PGK1: variants seen among roughly 807,000 people sequenced by gnomAD.
PGK1 encodes the protein phosphoglycerate kinase 1.
Under a neutral mutation model 26.9 loss-of-function variants are expected in PGK1, and 3 were observed. The ratio of observed to expected loss-of-function variants is 0.11; its 90% CI spans 0.05 to 0.29. The LOEUF is 0.29. Ranked by LOEUF, PGK1 falls within the 10% of genes least tolerant of loss-of-function variation. PGK1 has a pLI of 1.00. For synonymous variants in PGK1, 125 were observed against 115.3 expected (o/e 1.08, Z -0.54); for missense variants, 270 against 314.7 (o/e 0.86, Z 1.07).
intron 1 of PGK1, among the ~76,000 whole-genome samples, chrX:78,104,813 C>T (rs781810518): frequency 9.0e-6 from 1 of 111,677 alleles, no homozygotes; most frequent in South Asian, 3.7e-4. Context: ...GCTCCTAGAC[C>T]GTCGCAGCCA....
chrX:78,104,281 C>A lies in PGK1; in HGVS notation c.-60C>A. 6 of 883,579 alleles carry A rather than the reference C, an allele frequency of 6.8e-6. No individual in the cohort carries two copies. The highest frequency in any genetic ancestry group is 1.0e-5 in the Non-Finnish European group (6 of 599,632). The allele number at this position is 883,579 out of a possible 1,213,427, so 72.8% of individuals were successfully genotyped here. On this transcript the variant is annotated 5_prime_UTR_variant, in exon 1 of 11. Coordinates refer to ENST00000373316, the MANE Select transcript of PGK1 (RefSeq NM_000291.4). ...TTCTGCAAGCCTCCGGAGCGCACGT[C>A]GGCAGTCGGCTCCCTCGTTGACCGA...
intron 5 of PGK1, among the ~76,000 whole-genome samples, chrX:78,117,767 C>G (rs1557247611): frequency 8.9e-6 from 1 of 112,751 alleles, no homozygotes; most frequent in Non-Finnish European, 1.9e-5. Flanking sequence ...ATCAACCGGC[C>G]AATTACTTAC....
At chrX:78,119,540 T>G (rs1169797234) in intron 6 of PGK1, among the ~76,000 whole-genome samples, 1 of 111,879 alleles carries the variant, frequency 8.9e-6, no homozygotes, top group Non-Finnish European at 1.9e-5. Context: ...GGTGTCAATT[T>G]CAGGTAGCAT....
chrX:78,114,185 T>C (rs1557247226), intron 4 of PGK1, 25 bp downstream of exon 4: 1 of 1,195,786 alleles, frequency 8.4e-7, no homozygotes, highest in East Asian at 3.0e-5. Flanking sequence ...TTTGACATTA[T>C]TGGGGGTGAG....
chrX:78,119,345 G>A lies in PGK1; in HGVS notation c.641+1175G>A, dbSNP rs138789102. On this transcript the variant is annotated intron_variant, in intron 6 of 10. Transcript: ENST00000373316. ...TAGAAATTTCAGAATTGAGGGTTGAGAGGAGGATAAATTTTAGGTGAGAGA... is the reference window on the plus strand; with the variant it reads ...TAGAAATTTCAGAATTGAGGGTTGAAAGGAGGATAAATTTTAGGTGAGAGA... Among the ~76,000 whole-genome samples the A allele has an allele frequency of 9.1e-3, 1,021 of 112,164 alleles. 15 individuals carry two copies. Among genetic ancestry groups the A allele is most frequent in the African/African-American group, 0.032 (983 of 30,887 alleles).
chrX:78,121,150 A>C (rs1361633430), intron 6 of PGK1, among the ~76,000 whole-genome samples: 3 of 112,339 alleles, frequency 2.7e-5, no homozygotes, highest in Non-Finnish European at 5.6e-5. Flanking sequence ...TTTTGTTACT[A>C]TCATCCAATA....
At chrX:78,113,207 A>G (rs1226889298) in intron 2 of PGK1, among the ~76,000 whole-genome samples, 4 of 111,410 alleles carry the variant, frequency 3.6e-5, no homozygotes, top group African/African-American at 1.3e-4. Flanking sequence ...AGGTAGGAAG[A>G]TGACCTAAGC....
chrX:78,116,152 C>T (rs1037832637), intron 4 of PGK1, among the ~76,000 whole-genome samples: 3 of 111,021 alleles, frequency 2.7e-5, no homozygotes, highest in Non-Finnish European at 1.9e-5. Context: ...GAGCTACTGC[C>T]CCTGGCCTCC....
rs782285197 is a variant in PGK1 at position 78,106,259 on chromosome X, G to T, written c.65+1854G>T. On this transcript the variant is annotated intron_variant, in intron 1 of 10. Transcript: ENST00000373316. The stretch of plus-strand genomic sequence containing the variant: ...AGGGTTACTGAACTACCAAGTTGGT[G>T]GCAGAGCTAGGAGTAGAATTTAGGT... 5 of 207,724 alleles carry T rather than the reference G, an allele frequency of 2.4e-5. No individual in the cohort carries two copies. The South Asian group carries it at 1.1e-3, about 47-fold the overall frequency. The allele number at this position is 207,724 out of a possible 1,213,427, so 17.1% of individuals were successfully genotyped here.
At chrX:78,115,106 T>C (rs1362541047) in intron 4 of PGK1, among the ~76,000 whole-genome samples, 1 of 111,527 alleles carries the variant, frequency 9.0e-6, no homozygotes, top group African/African-American at 3.3e-5. Context: ...GCTTTTGGCA[T>C]GGTCTTGCTG....
In PGK1 at chrX:78,104,394, G is replaced by T. The variant is rs782275817; in HGVS notation, c.54G>T (p.Arg18=). ...ACAAGCTGGACGTTAAAGGGAAGCGGGTCGTTATGAGGTAATTCTGCACGT... is the reference window on the plus strand; with the variant it reads ...ACAAGCTGGACGTTAAAGGGAAGCGTGTCGTTATGAGGTAATTCTGCACGT... ...TLDKLDVKGK[R]VVMRVDFNVP... Residue 18 remains arginine (R), a synonymous_variant, in exon 1 of 11, where the codon CGG becomes CGT. Transcript: ENST00000373316. 8.3e-7 allele frequency: 1 copy of T among 1,199,762 alleles called. No individual in the cohort carries two copies. The highest frequency in any genetic ancestry group is 1.7e-5 in the African/African-American group (1 of 57,280).
At position 78,113,886 on chromosome X, in the gene PGK1, T is replaced by A; in HGVS notation, c.259T>A (p.Ser87Thr). The stretch of plus-strand genomic sequence containing the variant: ...AGAGCCAGTTGCTGTAGAACTCAAA[T>A]CTCTGCTGGGCAAGTAAGTGCCAGG... ...SLEPVAVELK[S>T]LLGKDVLFLK... The change falls in exon 3 of 11, where the codon TCT becomes ACT. Residue 87 changes from serine to threonine, a missense_variant. Ser to Thr is a moderately conservative substitution (Grantham distance 58). Coordinates refer to ENST00000373316, the MANE Select transcript of PGK1 (RefSeq NM_000291.4). 8.3e-7 allele frequency: 1 copy of A among 1,211,406 alleles called. No individual in the cohort carries two copies.
intron 6 of PGK1, among the ~76,000 whole-genome samples, chrX:78,119,486 G>T: frequency 9.0e-6 from 1 of 111,385 alleles, no homozygotes; most frequent in Middle Eastern, 4.6e-3. Flanking sequence ...TTCCCCCAGG[G>T]GAGTGAACAT....
At chrX:78,107,567 A>C (rs1686910398) in intron 1 of PGK1, among the ~76,000 whole-genome samples, 1 of 112,574 alleles carries the variant, frequency 8.9e-6, no homozygotes, top group Non-Finnish European at 1.9e-5. Context: ...CATGTATCAA[A>C]AGTTCATACC....
In PGK1 at chrX:78,122,877, G is replaced by T. The variant is rs1172973561; in HGVS notation, c.684G>T (p.Leu228=). 5.8e-6 allele frequency: 7 copies of T among 1,200,948 alleles called. No individual in the cohort carries two copies. In the African/African-American group the frequency reaches 1.2e-4, roughly 21 times the overall value. Residue 228 remains leucine, a synonymous_variant, in exon 7 of 11, where the codon CTG becomes CTT. Transcript: ENST00000373316. ...ADKIQLINNM[L]DKVNEMIIGG... ...AGATCCAGCTCATCAATAATATGCT[G>T]GACAAAGTCAATGAGATGATTATTG...
In PGK1 at chrX:78,106,631, G is replaced by A. The variant is rs781826697; in HGVS notation, c.65+2226G>A. 134 of 751,269 alleles carry A rather than the reference G, an allele frequency of 1.8e-4. 1 individual carries two copies. The African/African-American group carries it at 3.1e-3, about 17-fold the overall frequency. 61.9% of individuals were successfully genotyped at this position (751,269 alleles called of 1,213,427 possible). On this transcript the variant is annotated intron_variant, in intron 1 of 10. Transcript: ENST00000373316. The stretch of plus-strand genomic sequence containing the variant: ...ACTATGGTATTTGCTGACTCTTCTG[G>A]TCCACTGGTTTGGATTGCCAAGGGA...
chrX:78,114,960 A>G (rs1249028523), intron 4 of PGK1, among the ~76,000 whole-genome samples: 1 of 112,219 alleles, frequency 8.9e-6, no homozygotes, highest in Non-Finnish European at 1.9e-5. Context: ...GGTCTTTAGT[A>G]TCTCGGAGAA....
Position 78,128,680 on chromosome X carries a change from T to C in PGK1, c.*2850T>C, listed in dbSNP as rs1471728476. The stretch of plus-strand genomic sequence containing the variant: ...ACCCTAGACTATATATGTGTGTTTA[T>C]ATGCAGAAAAAAATAATTCCCATGT... On this transcript the variant is annotated 3_prime_UTR_variant, in exon 11 of 11. Transcript: ENST00000373316. 2 of 112,616 alleles carry C rather than the reference T, an allele frequency of 1.8e-5. No individual in the cohort carries two copies. Among genetic ancestry groups the C allele is most frequent in the African/African-American group, 3.2e-5 (1 of 30,990 alleles). 9.3% of individuals were successfully genotyped at this position (112,616 alleles called of 1,213,427 possible).
At chrX:78,107,188 T>C (rs1267670794) in intron 1 of PGK1, among the ~76,000 whole-genome samples, 1 of 111,653 alleles carries the variant, frequency 9.0e-6, no homozygotes, top group Non-Finnish European at 1.9e-5. Flanking sequence ...AGAGAGGTCT[T>C]GTGTTCAACC....
Sources: allele counts gnomAD v4.1 joint callset (sites outside exome capture counted in the v4.1 genomes callset), GRCh38; gene constraint gnomAD v4.1.1; transcripts MANE v1.5; gene names NCBI Gene and HGNC (gene_info 2026-07-23, HGNC 2026-07-21).